Variants in PTPRK observed in about 807,000 individuals in gnomAD.
PTPRK encodes receptor-type tyrosine-protein phosphatase kappa.
In PTPRK, 75 loss-of-function variants were observed where a neutral mutation model predicts 178.0. That is an observed-to-expected ratio of 0.42 (90% CI 0.35 to 0.51). PTPRK has a LOEUF of 0.51. PTPRK is among the 20% of genes least tolerant of loss of function. The pLI, the probability that PTPRK is intolerant of heterozygous loss-of-function variation, is 0.02. For synonymous variants in PTPRK, 637 were observed against 620.6 expected (o/e 1.03, Z -0.39); for missense variants, 1,441 against 1,797.8 (o/e 0.80, Z 3.59).
In PTPRK at chr6:127,972,616, T is replaced by C. The variant is rs183529738; in HGVS notation, c.4269+406A>G. Among the ~76,000 whole-genome samples, 40 of 152,302 alleles carry C rather than the reference T, an allele frequency of 2.6e-4. 1 individual carries two copies. In the East Asian group the frequency reaches 7.1e-3, roughly 27 times the overall value. ...AAAATGAATGAATAATTATAGATAA[T>C]GACAAAACTAAATTTCATTGCCTTT... is the stretch of plus-strand genomic sequence containing the variant. On this transcript the variant is annotated intron_variant, in intron 29 of 29. Transcript: ENST00000368226.
chr6:127,995,217 G>T, intron 18 of PTPRK: 2 of 1,564,592 alleles, frequency 1.3e-6, no homozygotes, highest in Non-Finnish European at 1.7e-6. Flanking sequence ...ATTTATAATA[G>T]GGTGCTGTTA....
At chr6:128,017,509 A>T (rs1017388537) in intron 13 of PTPRK, among the ~76,000 whole-genome samples, 1 of 151,556 alleles carries the variant, frequency 6.6e-6, no homozygotes, top group Non-Finnish European at 1.5e-5. Context: ...ATCTCCTACC[A>T]GTAGCTATGA....
intron 13 of PTPRK, among the ~76,000 whole-genome samples, chr6:128,034,693 TG>T (rs1300036586): frequency 6.6e-6 from 1 of 152,184 alleles, no homozygotes; most frequent in Non-Finnish European, 1.5e-5. Context: ...AGTAGTTGTA[TG>T]AGACAGTTGT....
chr6:128,124,087 A>G (rs1358913887), intron 7 of PTPRK, among the ~76,000 whole-genome samples: 2 of 148,890 alleles, frequency 1.3e-5, no homozygotes, highest in Admixed American at 1.4e-4. Context: ...TCTGTCACCC[A>G]GGCTGAAGTT....
intron 1 of PTPRK, among the ~76,000 whole-genome samples, chr6:128,425,505 G>A (rs1182520245): frequency 1.3e-5 from 2 of 152,116 alleles, no homozygotes; most frequent in African/African-American, 2.4e-5. Flanking sequence ...AACATATGAT[G>A]TTTTGTTTTC....
chr6:128,417,644 A>G (rs1842991427), intron 1 of PTPRK, among the ~76,000 whole-genome samples: 1 of 152,226 alleles, frequency 6.6e-6, no homozygotes, highest in African/African-American at 2.4e-5. Flanking sequence ...TAATTAGCCA[A>G]TAAAGGTGGG....
chr6:128,494,415 G>A (rs1048040116), intron 1 of PTPRK, among the ~76,000 whole-genome samples: 5 of 152,012 alleles, frequency 3.3e-5, no homozygotes, highest in African/African-American at 1.2e-4. Context: ...CCTGAAATTA[G>A]TATATTGTGT....
intron 1 of PTPRK, among the ~76,000 whole-genome samples, chr6:128,454,447 C>G (rs190078684): frequency 2.8e-4 from 43 of 152,264 alleles, no homozygotes; most frequent in African/African-American, 7.7e-4. Context: ...AACCAGCCAT[C>G]TTTTTGCTTT....
intron 1 of PTPRK, among the ~76,000 whole-genome samples, chr6:128,507,660 G>C (rs571667655): frequency 6.6e-6 from 1 of 152,228 alleles, no homozygotes; most frequent in African/African-American, 2.4e-5. Flanking sequence ...TCAAAGTCCA[G>C]GCAAGAGAGG....
chr6:128,367,417 G>A (rs751890456), intron 2 of PTPRK, among the ~76,000 whole-genome samples: 7 of 152,238 alleles, frequency 4.6e-5, no homozygotes, highest in Non-Finnish European at 8.8e-5. Context: ...TGGGCCCAAA[G>A]TAGTAGAAGG....
chr6:128,280,539 C>T (rs1261646233), intron 3 of PTPRK, among the ~76,000 whole-genome samples: 2 of 152,090 alleles, frequency 1.3e-5, no homozygotes, highest in East Asian at 3.9e-4. Flanking sequence ...ATTGGCCATA[C>T]TTTCTGTGTT....
intron 7 of PTPRK, among the ~76,000 whole-genome samples, chr6:128,175,667 T>C (rs1032329286): frequency 6.6e-6 from 1 of 151,814 alleles, no homozygotes; most frequent in African/African-American, 2.4e-5. Context: ...TAATAGTGCA[T>C]TGACAAAAAT....
chr6:128,105,346 G>T (rs1239446018), intron 7 of PTPRK, among the ~76,000 whole-genome samples: 1 of 152,044 alleles, frequency 6.6e-6, no homozygotes, highest in Non-Finnish European at 1.5e-5. Context: ...TGTTAGCCAG[G>T]ATGGTCTTGA....
At chr6:128,268,592 CA>C (rs1272983661) in intron 3 of PTPRK, among the ~76,000 whole-genome samples, 2 of 151,942 alleles carry the variant, frequency 1.3e-5, no homozygotes, top group Non-Finnish European at 2.9e-5. Flanking sequence ...GCCTTGCCAA[CA>C]AAAAGTCATT....
At chr6:128,285,240 C>T (rs898277709) in intron 3 of PTPRK, among the ~76,000 whole-genome samples, 22 of 152,194 alleles carry the variant, frequency 1.4e-4, no homozygotes, top group Admixed American at 1.1e-3. Flanking sequence ...GGAGGCCAGG[C>T]GTGGTGGCTT....
At chr6:128,055,813 G>T (rs970275311) in intron 13 of PTPRK, among the ~76,000 whole-genome samples, 1 of 151,916 alleles carries the variant, frequency 6.6e-6, no homozygotes, top group Non-Finnish European at 1.5e-5. Flanking sequence ...TGTTGCACAG[G>T]TTGATCTCAA....
intron 6 of PTPRK, among the ~76,000 whole-genome samples, chr6:128,190,507 T>A (rs999062312): frequency 5.2e-5 from 7 of 135,228 alleles, no homozygotes; most frequent in African/African-American, 8.8e-5. Flanking sequence ...TTTTTTTTTT[T>A]TTTTTTTTTT....
At chr6:128,311,620 C>T (rs771806162) in intron 3 of PTPRK, among the ~76,000 whole-genome samples, 1 of 152,008 alleles carries the variant, frequency 6.6e-6, no homozygotes, top group Non-Finnish European at 1.5e-5. Context: ...ACCTCAAGTG[C>T]CTTTTACTCC....
chr6:128,323,207 C>T (rs1472976135), intron 2 of PTPRK, among the ~76,000 whole-genome samples: 1 of 152,100 alleles, frequency 6.6e-6, no homozygotes. Context: ...AAAGGCCACA[C>T]AGAGACTAAG....
Sources: allele counts gnomAD v4.1 joint callset (sites outside exome capture counted in the v4.1 genomes callset), GRCh38; gene constraint gnomAD v4.1.1; transcripts MANE v1.5; gene names NCBI Gene and HGNC (gene_info 2026-07-23, HGNC 2026-07-21).